IL1RAPL2: variants seen among roughly 807,000 people sequenced by gnomAD.
IL1RAPL2 encodes X-linked interleukin-1 receptor accessory protein-like 2.
Under a neutral mutation model 44.1 loss-of-function variants are expected in IL1RAPL2, and 3 were observed. That is an observed-to-expected ratio of 0.07 (90% CI 0.03 to 0.18). The LOEUF (loss-of-function observed/expected upper bound fraction) is 0.18, where lower values mean the gene tolerates loss of function less well. IL1RAPL2 is among the 10% of genes least tolerant of loss of function. IL1RAPL2 has a pLI of 1.00. For missense variants in IL1RAPL2, 391 were observed against 496.4 expected (o/e 0.79, Z 2.02); for synonymous variants, 181 against 178.8 (o/e 1.01, Z -0.10).
chrX:105,445,136 G>A (rs1171134893), intron 5 of IL1RAPL2, among the ~76,000 whole-genome samples: 1 of 111,038 alleles, frequency 9.0e-6, no homozygotes, highest in East Asian at 2.8e-4. Context: ...TGTATGTGTC[G>A]AGGAATTTAT....
intron 2 of IL1RAPL2, among the ~76,000 whole-genome samples, chrX:104,801,094 T>A (rs1160779319): frequency 8.9e-6 from 1 of 112,910 alleles, no homozygotes. Context: ...TGTGTCTTCC[T>A]GAAGGACTTG....
chrX:104,734,357 A>C (rs1016239432), intron 2 of IL1RAPL2, among the ~76,000 whole-genome samples: 3 of 112,679 alleles, frequency 2.7e-5, no homozygotes, highest in Non-Finnish European at 5.6e-5. Flanking sequence ...ATGTGTATAG[A>C]AGCTTTGTTT....
intron 2 of IL1RAPL2, among the ~76,000 whole-genome samples, chrX:104,840,263 C>A (rs1049787808): frequency 2.7e-5 from 3 of 111,700 alleles, no homozygotes; most frequent in Non-Finnish European, 5.6e-5. Flanking sequence ...GCTATATTGT[C>A]TCTTTGTTCT....
Position 105,528,583 on chromosome X carries a change from C to T in IL1RAPL2, c.772+44196C>T, listed in dbSNP as rs1276603012. ...CAATGAACACTTATATGCCTTTTAC[C>T]TAGATTAACCAGTTGTTAACATTAT... On this transcript the variant is annotated intron_variant, in intron 6 of 10. Coordinates refer to ENST00000372582, the MANE Select transcript of IL1RAPL2 (RefSeq NM_017416.2). Among the ~76,000 whole-genome samples the T allele has an allele frequency of 2.7e-5, 3 of 111,413 alleles. No individual in the cohort carries two copies. The Admixed American group carries it at 2.9e-4, about 11-fold the overall frequency.
intron 2 of IL1RAPL2, among the ~76,000 whole-genome samples, chrX:104,786,919 TTCTCTCTC>T (rs58609782): frequency 0.031 from 1,113 of 36,486 alleles, 37 homozygotes; most frequent in Middle Eastern, 0.091. Context: ...CTCATTCATA[TTCTCTCTC>T]TCTCTCTCTC....
chrX:104,660,015 TCA>T (rs1438534779), intron 2 of IL1RAPL2, among the ~76,000 whole-genome samples: 8 of 111,882 alleles, frequency 7.2e-5, no homozygotes, highest in African/African-American at 1.6e-4. Flanking sequence ...GAGAGATTTA[TCA>T]CAGACTATAA....
chrX:105,699,622 T>A (rs1243045605), intron 6 of IL1RAPL2, among the ~76,000 whole-genome samples: 2 of 111,934 alleles, frequency 1.8e-5, no homozygotes, highest in African/African-American at 6.5e-5. Flanking sequence ...TCCACATTCC[T>A]CTGTGGGATG....
intron 6 of IL1RAPL2, among the ~76,000 whole-genome samples, chrX:105,665,342 T>TGC (rs776006807): frequency 0.04 from 3,965 of 98,076 alleles, 75 homozygotes; most frequent in African/African-American, 0.087. Context: ...TTTATGCGCG[T>TGC]GCGTGTGTGT....
At chrX:105,717,092 C>A (rs1373923888) in intron 6 of IL1RAPL2, among the ~76,000 whole-genome samples, 2 of 111,608 alleles carry the variant, frequency 1.8e-5, no homozygotes, top group African/African-American at 6.5e-5. Flanking sequence ...TGCACTCCAG[C>A]CTGGGTGACA....
intron 2 of IL1RAPL2, among the ~76,000 whole-genome samples, chrX:104,952,574 C>T (rs1447755323): frequency 9.0e-6 from 1 of 111,312 alleles, no homozygotes; most frequent in Admixed American, 9.6e-5. Flanking sequence ...TATTATTTCC[C>T]AGAAGAGAAG....
intron 2 of IL1RAPL2, among the ~76,000 whole-genome samples, chrX:104,843,394 C>T (rs1375908673): frequency 1.8e-5 from 2 of 110,954 alleles, no homozygotes; most frequent in Non-Finnish European, 3.8e-5. Context: ...GGCTTCAGCC[C>T]CCTTTCCAGG....
intron 4 of IL1RAPL2, among the ~76,000 whole-genome samples, chrX:105,243,561 A>G (rs868925427): frequency 4.4e-4 from 39 of 88,455 alleles, no homozygotes; most frequent in East Asian, 2.8e-3. Flanking sequence ...ATATATATAT[A>G]TGTGTGTATA....
At chrX:105,675,461 GT>G (rs1267030535) in intron 6 of IL1RAPL2, among the ~76,000 whole-genome samples, 2 of 111,739 alleles carry the variant, frequency 1.8e-5, no homozygotes, top group Non-Finnish European at 3.8e-5. Flanking sequence ...GATGAATTAC[GT>G]TTATTGATTT....
intron 5 of IL1RAPL2, among the ~76,000 whole-genome samples, chrX:105,438,069 T>C (rs750422245): frequency 2.1e-3 from 235 of 111,696 alleles, no homozygotes; most frequent in African/African-American, 7.3e-3. Flanking sequence ...TTCATCAAAA[T>C]AAAATGGCTA....
intron 2 of IL1RAPL2, among the ~76,000 whole-genome samples, chrX:105,040,202 G>T (rs2147758511): frequency 9.0e-6 from 1 of 111,334 alleles, no homozygotes; most frequent in South Asian, 3.8e-4. Flanking sequence ...TGCGTATATT[G>T]AACCAGCCTT....
intron 2 of IL1RAPL2, among the ~76,000 whole-genome samples, chrX:104,784,167 G>A (rs1005342123): frequency 2.7e-5 from 3 of 112,014 alleles, no homozygotes; most frequent in Non-Finnish European, 3.8e-5. Context: ...TATTTCTTGG[G>A]ATAACTTTAC....
rs371906295 is a variant in IL1RAPL2 at position 105,521,234 on chromosome X, G to A, written c.772+36847G>A. Among the ~76,000 whole-genome samples, 8 of 108,063 alleles carry A rather than the reference G, an allele frequency of 7.4e-5. No homozygotes were observed. The South Asian group carries it at 1.7e-3, about 23-fold the overall frequency. The allele number at this position is 108,063 out of a possible 115,157, so 93.8% of individuals were successfully genotyped here. On this transcript the variant is annotated intron_variant, in intron 6 of 10. Coordinates refer to ENST00000372582, the MANE Select transcript of IL1RAPL2 (RefSeq NM_017416.2). ...GCTGAGATTACAGGCATGAGCCACC[G>A]CGCCCGGCCTGCTATAGCTATTTCT...
At chrX:104,823,473 C>A (rs1180548973) in intron 2 of IL1RAPL2, among the ~76,000 whole-genome samples, 3 of 109,275 alleles carry the variant, frequency 2.7e-5, no homozygotes, top group Non-Finnish European at 3.8e-5. Flanking sequence ...TGTATATGTG[C>A]CACATTTTCT....
intron 2 of IL1RAPL2, among the ~76,000 whole-genome samples, chrX:105,170,965 C>G (rs2033418051): frequency 9.0e-6 from 1 of 111,514 alleles, no homozygotes; most frequent in Non-Finnish European, 1.9e-5. Flanking sequence ...ATGAAGGTAA[C>G]AGGCAGCGGT....
Sources: allele counts gnomAD v4.1 joint callset (sites outside exome capture counted in the v4.1 genomes callset), GRCh38; gene constraint gnomAD v4.1.1; transcripts MANE v1.5; gene names NCBI Gene and HGNC (gene_info 2026-07-23, HGNC 2026-07-21).